The following DPP6 variants were observed in gnomAD, a reference collection of about 807,000 sequenced individuals.
DPP6 encodes dipeptidyl peptidase like 6.
Under a neutral mutation model 122.6 loss-of-function variants are expected in DPP6, and 69 were observed. The observed-to-expected ratio is 0.56, with a 90% CI of 0.46 to 0.69. The LOEUF is 0.69. Ranked by LOEUF, DPP6 falls within the 30% of genes least tolerant of loss-of-function variation. The pLI, the probability that DPP6 is intolerant of heterozygous loss-of-function variation, is 0.00. For missense variants in DPP6, 928 were observed against 1,116.9 expected (o/e 0.83, Z 2.41); for synonymous variants, 418 against 433.1 (o/e 0.97, Z 0.43).
At chr7:154,858,217 C>T (rs1397532204) in intron 17 of DPP6, 1 of 152,258 alleles carries the variant, frequency 6.6e-6, no homozygotes, top group African/African-American at 2.4e-5. Context: ...TCATTTCATC[C>T]TCTCAACAGC....
intron 1 of DPP6, among the ~76,000 whole-genome samples, chr7:154,177,513 A>G (rs924641936): frequency 6.6e-6 from 1 of 152,218 alleles, no homozygotes; most frequent in Non-Finnish European, 1.5e-5. Flanking sequence ...ACTGTTGGTC[A>G]CCAAACTGCT....
At chr7:154,886,645 T>C (rs921313438) in intron 22 of DPP6, among the ~76,000 whole-genome samples, 1 of 152,128 alleles carries the variant, frequency 6.6e-6, no homozygotes, top group African/African-American at 2.4e-5. Context: ...CGCTGGCAAG[T>C]GAGGTGGAAA....
At chr7:154,147,646 ATTTGTGTG>A (rs1261814310) in intron 1 of DPP6, among the ~76,000 whole-genome samples, 4 of 76,228 alleles carry the variant, frequency 5.2e-5, no homozygotes, top group African/African-American at 1.2e-4. Flanking sequence ...TACCCAGCTA[ATTTGTGTG>A]TGTGTGTGTG....
rs61163075 is a variant in DPP6, at chr7:154,627,189, CT to C, written c.628-10612del. Among the ~76,000 whole-genome samples, 570 of 103,408 alleles carry C rather than the reference CT, an allele frequency of 5.5e-3. 4 individuals are homozygous for C. The highest frequency in any genetic ancestry group is 0.036 in the Middle Eastern group (5 of 138). 67.8% of individuals were successfully genotyped at this position (103,408 alleles called of 152,430 possible). A position where few individuals can be genotyped will look rare whatever the true frequency, so the allele number is the denominator to read the frequency against. ...CACCACGCCTGGCTAATTTTTTTTC[CT>C]TTTTTTTTTTTTTTTTTTTGAGATG... is the stretch of plus-strand genomic sequence containing the variant. On this transcript the variant is annotated intron_variant, in intron 5 of 25. Coordinates refer to ENST00000377770, the MANE Select transcript of DPP6 (RefSeq NM_130797.4).
chr7:154,522,220 C>T (rs1425999120), intron 3 of DPP6, among the ~76,000 whole-genome samples: 4 of 152,108 alleles, frequency 2.6e-5, no homozygotes. Flanking sequence ...ATGATCCGCC[C>T]GCCTGGGCCT....
intron 1 of DPP6, among the ~76,000 whole-genome samples, chr7:154,201,206 C>G (rs533847864): frequency 6.7e-6 from 1 of 149,778 alleles, no homozygotes; most frequent in Non-Finnish European, 1.5e-5. Context: ...CGGCTAACTG[C>G]AACCTCCGCC....
intron 1 of DPP6, among the ~76,000 whole-genome samples, chr7:154,309,197 T>C (rs1397464650): frequency 6.6e-6 from 1 of 152,234 alleles, no homozygotes; most frequent in Non-Finnish European, 1.5e-5. Flanking sequence ...TGGTTATATG[T>C]TCAGTCACAT....
chr7:154,866,059 T>C (rs974797298), intron 17 of DPP6, among the ~76,000 whole-genome samples: 1 of 152,138 alleles, frequency 6.6e-6, no homozygotes. Context: ...GTGCCTGAGA[T>C]AGGGTGGTCA....
chr7:154,510,971 CAGAGAGAG>C (rs376724364), intron 3 of DPP6, among the ~76,000 whole-genome samples: 1,684 of 120,150 alleles, frequency 0.014, 17 homozygotes, highest in Non-Finnish European at 0.017. Flanking sequence ...CACACACACA[CAGAGAGAG>C]AGAGAGCAAG....
intron 1 of DPP6, among the ~76,000 whole-genome samples, chr7:154,270,241 G>T (rs184615907): frequency 3.9e-5 from 6 of 152,132 alleles, no homozygotes; most frequent in African/African-American, 1.4e-4. Context: ...TTACCACCCG[G>T]TTTTGCAGCA....
intron 1 of DPP6, among the ~76,000 whole-genome samples, chr7:154,303,401 C>A (rs1164002738): frequency 6.6e-6 from 1 of 152,114 alleles, no homozygotes; most frequent in African/African-American, 2.4e-5. Flanking sequence ...GCTTGGTGAC[C>A]TTACACCGCA....
chr7:154,794,262 C>T (rs1357439102), intron 11 of DPP6, 60 bp downstream of exon 11: 39 of 1,500,814 alleles, frequency 2.6e-5, no homozygotes, highest in Non-Finnish European at 3.3e-5. Flanking sequence ...CAGACGCGCC[C>T]GAGGTGGCGC....
At chr7:153,845,877 C>G in the DPP6 span, among the ~76,000 whole-genome samples, 2 of 152,186 alleles carry the variant, frequency 1.3e-5, no homozygotes, top group South Asian at 4.1e-4. Flanking sequence ...AAATATATTT[C>G]TGTAATGCCC....
chr7:154,346,968 G>A (rs1031995462), intron 1 of DPP6, among the ~76,000 whole-genome samples: 1 of 152,110 alleles, frequency 6.6e-6, no homozygotes, highest in Non-Finnish European at 1.5e-5. Context: ...AGATGGATGT[G>A]AGAAAGATAA....
At chr7:154,421,915 G>T (rs1817503805) in intron 1 of DPP6, among the ~76,000 whole-genome samples, 1 of 152,214 alleles carries the variant, frequency 6.6e-6, no homozygotes, top group South Asian at 2.1e-4. Context: ...AAAAGCATCA[G>T]TCAGAGCTAC....
chr7:154,359,224 C>G (rs903679681), intron 1 of DPP6, among the ~76,000 whole-genome samples: 1 of 152,150 alleles, frequency 6.6e-6, no homozygotes, highest in African/African-American at 2.4e-5. Context: ...GGTGGTCTGT[C>G]TCCATGTGCA....
intron 1 of DPP6, among the ~76,000 whole-genome samples, chr7:154,275,368 A>C (rs1241319630): frequency 1.3e-5 from 2 of 152,122 alleles, no homozygotes; most frequent in African/African-American, 4.8e-5. Flanking sequence ...TAGAATACAC[A>C]TTTAAGCCTC....
chr7:154,569,510 A>G (rs1184935067), intron 5 of DPP6, among the ~76,000 whole-genome samples: 1 of 151,988 alleles, frequency 6.6e-6, no homozygotes, highest in Non-Finnish European at 1.5e-5. Flanking sequence ...TAATGAAACT[A>G]GAATTTGTTA....
chr7:154,374,166 G>A (rs1812913885), intron 1 of DPP6, among the ~76,000 whole-genome samples: 1 of 151,936 alleles, frequency 6.6e-6, no homozygotes, highest in African/African-American at 2.4e-5. Context: ...GAGTTAGACA[G>A]ACTCCAGTTG....
Sources: allele counts gnomAD v4.1 joint callset (sites outside exome capture counted in the v4.1 genomes callset), GRCh38; gene constraint gnomAD v4.1.1; transcripts MANE v1.5; gene names NCBI Gene and HGNC (gene_info 2026-07-23, HGNC 2026-07-21).